The following CNIH3 variants were observed in gnomAD, a reference collection of about 807,000 sequenced individuals.
The protein encoded by CNIH3 is cornichon family AMPA receptor auxiliary protein 3.
In CNIH3, 14 loss-of-function variants were observed where a neutral mutation model predicts 24.1. That is an observed-to-expected ratio of 0.58 (90% CI 0.38 to 0.91). The LOEUF is 0.91. Among genes scored for constraint, CNIH3 ranks in the 40% least tolerant of loss-of-function variants. The pLI is 0.00. For synonymous variants in CNIH3, 68 were observed against 73.8 expected, an observed-to-expected ratio of 0.92 and a Z score of 0.40; for missense variants, 178 against 196.8, an observed-to-expected ratio of 0.90 and a Z score of 0.57.
At chr1:224,435,243 G>C (rs1558454551) in intron 1 of CNIH3, 1 of 978,304 alleles carries the variant, frequency 1.0e-6, no homozygotes, top group Non-Finnish European at 1.2e-6. Flanking sequence ...CCAGGCACAG[G>C]GCTGTGGTAG....
At chr1:224,513,867 C>T (rs1489888747), upstream of CNIH3, 1 of 152,148 alleles carries the variant, frequency 6.6e-6, no homozygotes, top group Non-Finnish European at 1.5e-5. Flanking sequence ...GGTTGGGTGT[C>T]CGTCTTTGTC....
chr1:224,651,772 T>G (rs1049739578), intron 1 of CNIH3, among the ~76,000 whole-genome samples: 1 of 152,232 alleles, frequency 6.6e-6, no homozygotes, highest in Non-Finnish European at 1.5e-5. Context: ...TCTAGTTTTT[T>G]GTGATCTCAG....
At chr1:224,538,830 A>ATT (rs71574506), downstream of CNIH3, among the ~76,000 whole-genome samples, 390 of 124,222 alleles carry the variant, frequency 3.1e-3, 4 homozygotes, top group African/African-American at 0.011. Flanking sequence ...AGCTAATTAC[A>ATT]TTTTTTTTTT....
intron 1 of CNIH3, among the ~76,000 whole-genome samples, chr1:224,655,466 T>A (rs979398407): frequency 1.3e-5 from 2 of 151,854 alleles, no homozygotes; most frequent in Non-Finnish European, 2.9e-5. Flanking sequence ...TGAAGGAAAA[T>A]GGACATGCAA....
chr1:224,479,469 A>G (rs1252692572), intron 1 of CNIH3, among the ~76,000 whole-genome samples: 2 of 152,104 alleles, frequency 1.3e-5, no homozygotes, highest in Admixed American at 1.3e-4. Flanking sequence ...CCAAAGTCTT[A>G]ACTCATTTCA....
At position 224,739,657 on chromosome 1, in the gene CNIH3, G is replaced by T. The variant is rs149966084; in HGVS notation, c.*301G>T. 11 of 480,228 alleles carry T rather than the reference G, an allele frequency of 2.3e-5. No individual in the cohort carries two copies. The highest frequency in any genetic ancestry group is 1.1e-3 in the Middle Eastern group (2 of 1,872). 29.7% of individuals were successfully genotyped at this position (480,228 alleles called of 1,614,324 possible). ...TGACGAAACACTAGACCTCTCCTGA[G>T]AGAGAATTGCTGCTTCCTGAATCCA... On this transcript the variant is annotated 3_prime_UTR_variant, in exon 6 of 6. Coordinates refer to ENST00000272133, the MANE Select transcript of CNIH3 (RefSeq NM_152495.2).
chr1:224,522,200 C>A (rs1424822940), intron 2 of CNIH3, among the ~76,000 whole-genome samples: 1 of 151,966 alleles, frequency 6.6e-6, no homozygotes, highest in Non-Finnish European at 1.5e-5. Flanking sequence ...CTTCTATCAT[C>A]TGAAAGTTAA....
rs560291319 is a variant in CNIH3, at chr1:224,724,067, T to A, written c.199-6395T>A. Among the ~76,000 whole-genome samples, 6 of 152,346 alleles carry A rather than the reference T, an allele frequency of 3.9e-5. No individual in the cohort carries two copies. The East Asian group carries it at 1.2e-3, about 29-fold the overall frequency. ...TCTCTTAACAAAAAATTTTAAAAAATTTTAAATAAGATTATAATTCTAGAC... is the reference window on the plus strand; with the variant it reads ...TCTCTTAACAAAAAATTTTAAAAAAATTTAAATAAGATTATAATTCTAGAC... On this transcript the variant is annotated intron_variant, in intron 3 of 5. Transcript: ENST00000272133.
chr1:224,499,713 A>G (rs573834384), intron 1 of CNIH3, among the ~76,000 whole-genome samples: 2 of 152,238 alleles, frequency 1.3e-5, no homozygotes, highest in East Asian at 3.9e-4. Flanking sequence ...ACTGAAAAGC[A>G]TAGCTCAACT....
chr1:224,725,894 A>G (rs1387264797), intron 3 of CNIH3, among the ~76,000 whole-genome samples: 1 of 152,182 alleles, frequency 6.6e-6, no homozygotes, highest in African/African-American at 2.4e-5. Flanking sequence ...TCTCCACCAC[A>G]GTAGTAAAAA....
chr1:224,448,649 C>T (rs1184446368), intron 1 of CNIH3, among the ~76,000 whole-genome samples: 2 of 152,132 alleles, frequency 1.3e-5, no homozygotes, highest in African/African-American at 4.8e-5. Flanking sequence ...CCAAAATGGC[C>T]GTGCAGTGCA....
intron 1 of CNIH3, among the ~76,000 whole-genome samples, chr1:224,621,431 G>A (rs770124113): frequency 3.3e-5 from 5 of 152,184 alleles, no homozygotes; most frequent in Non-Finnish European, 5.9e-5. Context: ...ACAATAAATA[G>A]CCTGTTTTTT....
Position 224,740,328 on chromosome 1 carries a change from TG to T in CNIH3, c.*977del, listed in dbSNP as rs1689806082. 6.6e-6 allele frequency: 1 copy of T among 152,226 alleles called. No individual in the cohort carries two copies. The allele number at this position is 152,226 out of a possible 1,614,324, so 9.4% of individuals were successfully genotyped here. On this transcript the variant is annotated 3_prime_UTR_variant, in exon 6 of 6. Coordinates refer to ENST00000272133, the MANE Select transcript of CNIH3 (RefSeq NM_152495.2). ...ATTCTCTTTTGGGTGGGAGTTATGC[TG>T]GGGGTTGTAAATAATGACAAGGCTG... is the stretch of plus-strand genomic sequence containing the variant.
Position 224,739,824 on chromosome 1 carries a change from T to C in CNIH3, c.*468T>C, listed in dbSNP as rs1689783376. ...CCTGTTGAAAGCCTCGAGAATGTCT[T>C]GGCTGCCCAAGACTCTTGTTGCCTT... On this transcript the variant is annotated 3_prime_UTR_variant, in exon 6 of 6. Transcript: ENST00000272133. 6.3e-6 allele frequency: 1 copy of C among 159,416 alleles called. No homozygotes were observed. Among genetic ancestry groups the C allele is most frequent in the Non-Finnish European group, 1.4e-5 (1 of 73,540 alleles). The allele number at this position is 159,416 out of a possible 1,614,324, so 9.9% of individuals were successfully genotyped here.
At chr1:224,685,571 G>T (rs1375040236) in intron 3 of CNIH3, among the ~76,000 whole-genome samples, 1 of 152,176 alleles carries the variant, frequency 6.6e-6, no homozygotes, top group Non-Finnish European at 1.5e-5. Flanking sequence ...CCTAACCTCT[G>T]TACAGAGTGG....
intron 1 of CNIH3, among the ~76,000 whole-genome samples, chr1:224,667,753 TAA>T (rs5781378): frequency 2.9e-5 from 4 of 137,838 alleles, no homozygotes; most frequent in East Asian, 2.1e-4. Flanking sequence ...GTCAGTCCAA[TAA>T]AAAAAAAAAA....
intron 1 of CNIH3, among the ~76,000 whole-genome samples, chr1:224,482,235 G>A (rs1021325842): frequency 1.3e-5 from 2 of 152,148 alleles, no homozygotes; most frequent in African/African-American, 4.8e-5. Flanking sequence ...CTTCCCCACT[G>A]TAGCGAAGCT....
rs368529058 is a variant in CNIH3 at position 224,595,424 on chromosome 1, C to G, written n.402+29160C>G. Among the ~76,000 whole-genome samples the G allele has an allele frequency of 2.6e-5, 4 of 152,304 alleles. No individual in the cohort carries two copies. The East Asian group carries it at 5.8e-4, about 22-fold the overall frequency. On this transcript the variant is annotated intron_variant and non_coding_transcript_variant, in intron 3 of 7. Transcript: ENST00000478120. Reference sequence around the variant, plus strand: ...TTGTGCCTAAGATGGCAAAGTTGATCAATAAATGTTGTGTGTGTTCTCACT... The same window carrying G: ...TTGTGCCTAAGATGGCAAAGTTGATGAATAAATGTTGTGTGTGTTCTCACT...
intron 2 of CNIH3, among the ~76,000 whole-genome samples, chr1:224,528,236 C>T: frequency 6.6e-6 from 1 of 152,166 alleles, no homozygotes; most frequent in Middle Eastern, 3.4e-3. Context: ...TGCACTCCAG[C>T]CTGGGTGACA....
Sources: gnomAD v4.1 joint callset for allele counts (sites outside exome capture counted in the v4.1 genomes callset) on GRCh38, gnomAD v4.1.1 for gene constraint, MANE v1.5 for transcripts, NCBI Gene and HGNC (gene_info 2026-07-23, HGNC 2026-07-21) for gene names.